The following NR1I3 variants were observed in gnomAD, a reference collection of about 807,000 sequenced individuals.
NR1I3 encodes constitutive activator of retinoid response.
NR1I3 carries 30 observed loss-of-function variants against 38.4 expected under a neutral mutation model. The ratio of observed to expected loss-of-function variants is 0.78; its 90% confidence interval spans 0.58 to 1.06. The LOEUF (loss-of-function observed/expected upper bound fraction) is 1.06. Ranked by LOEUF, NR1I3 falls within the 50% of genes least tolerant of loss-of-function variation. The pLI, the probability that NR1I3 is intolerant of heterozygous loss-of-function variation, is 0.00. For missense variants in NR1I3, 388 were observed against 435.7 expected, an observed-to-expected ratio of 0.89 and a Z score of 0.97; for synonymous variants, 143 against 165.1, an observed-to-expected ratio of 0.87 and a Z score of 1.03.
In NR1I3 at chr1:161,230,849, C is replaced by T; in HGVS notation, c.881G>A (p.Ser294Asn). ...LQEEMALTLQSYIKGQQRRPR... is the reference protein window; with the variant it reads ...LQEEMALTLQNYIKGQQRRPR... ...CCTTCGCTGCTGGCCCTTGATGTAGCTTTGCAGAGTCAGTGCCATCTCCTC... is the reference window on the plus strand; with the variant it reads ...CCTTCGCTGCTGGCCCTTGATGTAGTTTTGCAGAGTCAGTGCCATCTCCTC... Residue 294 changes from serine to asparagine, a missense_variant, in exon 8 of 9, where the codon AGC becomes AAC. Transcript: ENST00000367983. 1 of 1,614,176 alleles carries T rather than the reference C, an allele frequency of 6.2e-7. No homozygotes were observed. Among genetic ancestry groups the T allele is most frequent in the South Asian group, 1.1e-5 (1 of 91,082 alleles).
Position 161,238,176 on chromosome 1 carries a change from C to A in NR1I3, c.-169G>T. 1 of 1,567,192 alleles carries A rather than the reference C, an allele frequency of 6.4e-7. No individual in the cohort carries two copies. The highest frequency in any genetic ancestry group is 8.7e-7 in the Non-Finnish European group (1 of 1,147,526). On this transcript the variant is annotated 5_prime_UTR_variant, in exon 1 of 9. Coordinates refer to ENST00000367983, the MANE Select transcript of NR1I3 (RefSeq NM_005122.5). ...GTGATTGGAGTTAGGGATTATGACC[C>A]GTAGTATCTGGAAAACAAGAGATGT...
intron 1 of NR1I3, 128 bp from the exon 2 acceptor site, chr1:161,236,726 G>GTT (rs1553254764): frequency 1.2e-5 from 7 of 588,876 alleles, no homozygotes; most frequent in Non-Finnish European, 1.4e-5. Context: ...ATCTTTTGTG[G>GTT]TTTTCTTTTT....
chr1:161,230,793 C>T lies in NR1I3; in HGVS notation c.917+20G>A. On this transcript the variant is annotated intron_variant, in intron 8 of 8. Coordinates refer to ENST00000367983, the MANE Select transcript of NR1I3 (RefSeq NM_005122.5). Reference sequence around the variant, plus strand: ...TTCCTGCCCTGGTGTGGCCTCCAAGCCCTCAGTGTCCCACCGTACCGATCC... The same window carrying T: ...TTCCTGCCCTGGTGTGGCCTCCAAGTCCTCAGTGTCCCACCGTACCGATCC... The T allele has an allele frequency of 6.2e-7, 1 of 1,613,916 alleles. No homozygotes were observed. Among genetic ancestry groups the T allele is most frequent in the South Asian group, 1.1e-5 (1 of 91,080 alleles).
intron 3 of NR1I3, 125 bp downstream of exon 3, chr1:161,235,722 T>C (rs1668483546): frequency 8.2e-7 from 1 of 1,219,496 alleles, no homozygotes; most frequent in African/African-American, 1.5e-5. Context: ...CTTGAGTGAA[T>C]AGTGACATAA....
Position 161,231,322 on chromosome 1 carries a change from A to T in NR1I3, c.694+7T>A. On this transcript the variant is annotated splice_region_variant and intron_variant, in intron 6 of 8. Coordinates refer to ENST00000367983, the MANE Select transcript of NR1I3 (RefSeq NM_005122.5). ...ACATGCCCCCTATTGCTCTAGCACC[A>T]TCTCACCACGGGCTCCATCTTCAAT... The T allele has an allele frequency of 6.3e-7, 1 of 1,588,950 alleles. No individual in the cohort carries two copies. The highest frequency in any genetic ancestry group is 1.8e-5 in the Admixed American group (1 of 54,958).
intron 1 of NR1I3, 64 bp from the exon 2 acceptor site, chr1:161,236,662 G>A (rs1019156095): frequency 2.0e-6 from 3 of 1,529,936 alleles, no homozygotes; most frequent in Non-Finnish European, 8.8e-7. Context: ...GTCCCTTCTA[G>A]AGAGTCTCTT....
chr1:161,236,073 T>C, intron 2 of NR1I3, 96 bp from the exon 3 acceptor site: 1 of 1,406,834 alleles, frequency 7.1e-7, no homozygotes, highest in South Asian at 1.4e-5. Context: ...TCTGGTGAAA[T>C]GGACTAATCT....
chr1:161,230,610 G>A (rs1666956763), intron 8 of NR1I3: 3 of 670,174 alleles, frequency 4.5e-6, no homozygotes, highest in African/African-American at 3.6e-5. Flanking sequence ...TGGAAAAAGT[G>A]AGATGAAACA....
At chr1:161,236,291 A>G in intron 2 of NR1I3, 168 bp downstream of exon 2, 2 of 780,766 alleles carry the variant, frequency 2.6e-6, no homozygotes, top group Non-Finnish European at 4.0e-6. Flanking sequence ...CCACCAGTTT[A>G]TACAGTGATG....
chr1:161,235,930 C>G lies in NR1I3; in HGVS notation c.155G>C (p.Ser52Thr). The G allele has an allele frequency of 6.2e-7, 1 of 1,612,344 alleles. No individual in the cohort carries two copies. Among genetic ancestry groups the G allele is most frequent in the South Asian group, 1.1e-5 (1 of 90,862 alleles). Residue 52 changes from serine (S) to threonine (T), a missense_variant, in exon 3 of 9, where the codon AGC (serine) becomes ACC (threonine). Ser to Thr is a moderately conservative substitution (Grantham distance 58, BLOSUM62 1). Coordinates refer to ENST00000367983, the MANE Select transcript of NR1I3 (RefSeq NM_005122.5). ...SIGPTCPFAG[S>T]CEVSKTQRRH... The stretch of plus-strand genomic sequence containing the variant: ...CCTCTGAGTCTTGCTGACTTCACAG[C>G]TTCCAGCAAAGGGGCAGGTGGGACC...
At chr1:161,233,837 ATGTGTGTGTGTGTGTGTGTGTG>A (rs761756944) in intron 3 of NR1I3, among the ~76,000 whole-genome samples, 91 of 118,590 alleles carry the variant, frequency 7.7e-4, no homozygotes, top group African/African-American at 1.5e-3. Flanking sequence ...TCATATATAT[ATGTGTGTGTGTGTGTGTGTGTG>A]TGTGTGTGTG....
intron 2 of NR1I3, 101 bp from the exon 3 acceptor site, chr1:161,236,078 T>C (rs1668560212): frequency 3.6e-6 from 5 of 1,372,806 alleles, no homozygotes; most frequent in Non-Finnish European, 4.9e-6. Context: ...TGAAATGGAC[T>C]AATCTGAGCT....
At chr1:161,231,509 T>A in intron 5 of NR1I3, 35 bp from the exon 6 acceptor site, 1 of 1,550,492 alleles carries the variant, frequency 6.4e-7, no homozygotes, top group Non-Finnish European at 8.6e-7. Context: ...ACTTTTCAAT[T>A]TTTTTTTTTC....
At chr1:161,234,139 C>G (rs1402649995) in intron 3 of NR1I3, among the ~76,000 whole-genome samples, 1 of 151,348 alleles carries the variant, frequency 6.6e-6, no homozygotes, top group African/African-American at 2.4e-5. Flanking sequence ...ATTACAGGCA[C>G]CCACCATCAC....
chr1:161,236,002 G>A (rs1668544655), intron 2 of NR1I3, 25 bp from the exon 3 acceptor site: 1 of 1,564,462 alleles, frequency 6.4e-7, no homozygotes, highest in Non-Finnish European at 8.6e-7. Context: ...GATGTTGTTA[G>A]AGTCTGGGAT....
intron 8 of NR1I3, 88 bp downstream of exon 8, chr1:161,230,724 CA>C (rs1194766733): frequency 4.5e-6 from 7 of 1,565,328 alleles, no homozygotes; most frequent in Non-Finnish European, 6.1e-6. Flanking sequence ...AAGGAAAGGA[CA>C]GTAAAAAAAC....
intron 1 of NR1I3, 93 bp downstream of exon 1, chr1:161,237,948 T>A (rs1337693983): frequency 5.4e-6 from 7 of 1,295,754 alleles, no homozygotes; most frequent in Non-Finnish European, 7.8e-6. Flanking sequence ...CCTCCCAAAG[T>A]GCTGGAATGA....
At position 161,236,571 on chromosome 1, in the gene NR1I3, C is replaced by T. The variant is rs1668640607; in HGVS notation, c.-6G>A. On this transcript the variant is annotated 5_prime_UTR_variant, in exon 2 of 9. Coordinates refer to ENST00000367983, the MANE Select transcript of NR1I3 (RefSeq NM_005122.5). ...TCATCTTCCCTACTGGCCATGACGT[C>T]ACGTGTTGGGGTGGCTGTCACAGAC... 6.2e-7 allele frequency: 1 copy of T among 1,613,970 alleles called. No individual in the cohort carries two copies. Among genetic ancestry groups the T allele is most frequent in the Admixed American group, 1.7e-5 (1 of 59,980 alleles).
rs1481503396 is a variant in NR1I3 at position 161,232,998 on chromosome 1, A to C, written c.409-52T>G. 3 of 1,605,270 alleles carry C rather than the reference A, an allele frequency of 1.9e-6. No individual in the cohort carries two copies. In the African/African-American group the frequency reaches 4.0e-5, roughly 22 times the overall value. ...GGCTCTGGCCCTAGGGCCCTCCTTTAGGCCTCGCCAGCCTTATCTTGGAAG... is the reference window on the plus strand; with the variant it reads ...GGCTCTGGCCCTAGGGCCCTCCTTTCGGCCTCGCCAGCCTTATCTTGGAAG... On this transcript the variant is annotated intron_variant, in intron 4 of 8. Transcript: ENST00000367983.
Sources: gnomAD v4.1 joint callset for allele counts (sites outside exome capture counted in the v4.1 genomes callset) on GRCh38, gnomAD v4.1.1 for gene constraint, MANE v1.5 for transcripts, NCBI Gene and HGNC (gene_info 2026-07-23, HGNC 2026-07-21) for gene names.